NAA25: variants seen among roughly 807,000 people sequenced by gnomAD.
The protein encoded by NAA25 is N-terminal acetyltransferase B complex subunit NAA25.
Under a neutral mutation model 132.5 loss-of-function variants are expected in NAA25, and 30 were observed. That is an observed-to-expected ratio of 0.23 (90% CI 0.17 to 0.31). The LOEUF (loss-of-function observed/expected upper bound fraction) is 0.31. Ranked by LOEUF, NAA25 falls within the 10% of genes least tolerant of loss-of-function variation. The pLI, the probability that NAA25 is intolerant of heterozygous loss-of-function variation, is 1.00. For synonymous variants in NAA25, 359 were observed against 401.9 expected (o/e 0.89, Z 1.28); for missense variants, 771 against 1,150.4 (o/e 0.67, Z 4.77).
intron 11 of NAA25, among the ~76,000 whole-genome samples, chr12:112,064,603 A>G (rs551054028): frequency 3.9e-4 from 59 of 152,304 alleles, no homozygotes; most frequent in African/African-American, 1.3e-3. Context: ...GCCATTTTAT[A>G]TATTAGTTAG....
At chr12:112,031,810 T>C (rs79910716) in intron 23 of NAA25, among the ~76,000 whole-genome samples, 2,204 of 151,264 alleles carry the variant, frequency 0.015, 62 homozygotes, top group African/African-American at 0.05. Context: ...TGTGCCTCCT[T>C]CTGCTTGGGA....
chr12:112,091,922 C>T (rs2066501871), intron 2 of NAA25, among the ~76,000 whole-genome samples: 1 of 152,140 alleles, frequency 6.6e-6, no homozygotes, highest in Non-Finnish European at 1.5e-5. Flanking sequence ...AAGTAATATG[C>T]AAAGAAATAA....
At chr12:112,060,450 G>T (rs2078611020) in intron 12 of NAA25, 91 bp from the exon 13 acceptor site, 1 of 762,442 alleles carries the variant, frequency 1.3e-6, no homozygotes, top group African/African-American at 1.8e-5. Flanking sequence ...GTGACAGGAG[G>T]GAGAGGAGGA....
chr12:112,072,900 C>T (rs1164508677), intron 9 of NAA25, among the ~76,000 whole-genome samples: 3 of 152,024 alleles, frequency 2.0e-5, no homozygotes, highest in Non-Finnish European at 4.4e-5. Context: ...GATTACACCA[C>T]TGCACTCCAG....
chr12:112,039,978 G>A (rs1442595749), intron 21 of NAA25: 1 of 155,700 alleles, frequency 6.4e-6, no homozygotes, highest in African/African-American at 2.4e-5. Flanking sequence ...GTAGTAAGGG[G>A]AGAACAGTCA....
chr12:112,086,014 CAAAAAAAAAAAAAAA>C (rs566528517), intron 4 of NAA25, among the ~76,000 whole-genome samples: 87 of 11,934 alleles, frequency 7.3e-3, no homozygotes, highest in Non-Finnish European at 0.01. Flanking sequence ...GAGACTGTCT[CAAAAAAAAAAAAAAA>C]AAAAAAAAAA....
intron 7 of NAA25, among the ~76,000 whole-genome samples, chr12:112,077,981 A>G (rs1377807397): frequency 6.6e-6 from 1 of 151,898 alleles, no homozygotes; most frequent in Non-Finnish European, 1.5e-5. Flanking sequence ...AACCTTTCAC[A>G]CTCCTTGAAG....
At chr12:112,080,278 CAAAAA>C (rs762037242) in intron 5 of NAA25, among the ~76,000 whole-genome samples, 3 of 51,212 alleles carry the variant, frequency 5.9e-5, no homozygotes, top group African/African-American at 2.0e-4. Flanking sequence ...GACTCTGTCT[CAAAAA>C]AAAAAAAAAA....
At position 112,039,380 on chromosome 12, in the gene NAA25, T is replaced by C. The variant is rs796131457; in HGVS notation, c.2539-41A>G. 7 of 1,152,954 alleles carry C rather than the reference T, an allele frequency of 6.1e-6. No homozygotes were observed. In the African/African-American group the frequency reaches 9.3e-5, roughly 15 times the overall value. 71.4% of individuals were successfully genotyped at this position (1,152,954 alleles called of 1,614,324 possible). A position where few individuals can be genotyped will look rare whatever the true frequency, so the allele number is the denominator to read the frequency against. On this transcript the variant is annotated intron_variant, in intron 21 of 23. Transcript: ENST00000261745. The stretch of plus-strand genomic sequence containing the variant: ...GCAAATTCACCAATAAGGATTACAC[T>C]AAAAATATCTATCAGGAAATTAGAG...
At chr12:112,031,502 G>A (rs2078149658) in intron 23 of NAA25, among the ~76,000 whole-genome samples, 1 of 152,176 alleles carries the variant, frequency 6.6e-6, no homozygotes, top group Non-Finnish European at 1.5e-5. Flanking sequence ...GAAGCCTAGA[G>A]AGGTTAGGTA....
chr12:112,031,562 C>T (rs1330807823), intron 23 of NAA25, among the ~76,000 whole-genome samples: 2 of 152,106 alleles, frequency 1.3e-5, no homozygotes, highest in Non-Finnish European at 2.9e-5. Flanking sequence ...TTGAAAAATC[C>T]AGAGAGTATG....
In NAA25 at chr12:112,090,778, T is replaced by C. The variant is rs1393975766; in HGVS notation, c.231A>G (p.Thr77=). 3 of 1,613,962 alleles carry C rather than the reference T, an allele frequency of 1.9e-6. No individual in the cohort carries two copies. The highest frequency in any genetic ancestry group is 2.2e-5 in the East Asian group (1 of 44,892). The change falls in exon 3 of 24, where the codon ACA becomes ACG. Residue 77 remains threonine, a synonymous_variant. Transcript: ENST00000261745. ...LAQEVAALEP[T]DDNSLQALTI... ...TCAGTGCCTGCAGTGAGTTGTCATC[T>C]GTGGGTTCAAGGGCTGCCACCTCCT...
chr12:112,064,861 C>T (rs1007986036), intron 11 of NAA25, among the ~76,000 whole-genome samples: 4 of 150,648 alleles, frequency 2.7e-5, no homozygotes, highest in African/African-American at 9.8e-5. Context: ...ATGGAGAAAC[C>T]CGGTCTCTAC....
chr12:112,044,432 A>G (rs987079403), intron 17 of NAA25, among the ~76,000 whole-genome samples: 6 of 151,726 alleles, frequency 4.0e-5, no homozygotes, highest in Non-Finnish European at 7.4e-5. Flanking sequence ...GCACTTTGGA[A>G]GGCCGAGGTG....
Position 112,027,343 on chromosome 12 carries a change from A to C in NAA25, c.*2188T>G, listed in dbSNP as rs1461635297. 6.6e-6 allele frequency: 1 copy of C among 152,198 alleles called. No homozygotes were observed. Among genetic ancestry groups the C allele is most frequent in the Non-Finnish European group, 1.5e-5 (1 of 67,992 alleles). 9.4% of individuals were successfully genotyped at this position (152,198 alleles called of 1,614,324 possible). A position where few individuals can be genotyped will look rare whatever the true frequency, so the allele number is the denominator to read the frequency against. On this transcript the variant is annotated 3_prime_UTR_variant, in exon 24 of 24. Coordinates refer to ENST00000261745, the MANE Select transcript of NAA25 (RefSeq NM_024953.4). ...TATATATATTTTTTTAACTGTACAC[A>C]ATTTATAGTACATGAGGGTTTCCAA...
Position 112,087,673 on chromosome 12 carries a change from A to T in NAA25, c.402+10T>A. 1 of 1,596,132 alleles carries T rather than the reference A, an allele frequency of 6.3e-7. No individual in the cohort carries two copies. The highest frequency in any genetic ancestry group is 8.6e-7 in the Non-Finnish European group (1 of 1,164,544). On this transcript the variant is annotated intron_variant, in intron 4 of 23. Transcript: ENST00000261745. ...ATCCCATAGCCCAGTAGGTTTGGGG[A>T]TCAAATTACCTGTTGCATTTTCTTG...
At chr12:112,085,116 G>A (rs1418837145) in intron 4 of NAA25, among the ~76,000 whole-genome samples, 1 of 152,112 alleles carries the variant, frequency 6.6e-6, no homozygotes, top group Non-Finnish European at 1.5e-5. Context: ...TGTAATCCCA[G>A]CTATTCAGGA....
intron 22 of NAA25, chr12:112,034,807 G>C (rs1425342260): frequency 9.3e-5 from 12 of 128,548 alleles, no homozygotes; most frequent in East Asian, 3.4e-4. Flanking sequence ...GTGAGACTCT[G>C]TCTCAAAAAA....
At chr12:112,101,522 C>T (rs1039930737) in intron 1 of NAA25, among the ~76,000 whole-genome samples, 5 of 151,984 alleles carry the variant, frequency 3.3e-5, no homozygotes, top group South Asian at 2.1e-4. Context: ...TTTGGGAGGC[C>T]GAGGAAGGTG....
Sources: gnomAD v4.1 joint callset for allele counts (sites outside exome capture counted in the v4.1 genomes callset) on GRCh38, gnomAD v4.1.1 for gene constraint, MANE v1.5 for transcripts, NCBI Gene and HGNC (gene_info 2026-07-23, HGNC 2026-07-21) for gene names.